The following ZNF717 variants were observed in gnomAD, a reference collection of about 807,000 sequenced individuals.
The protein encoded by ZNF717 is krueppel-like factor X17.
In ZNF717, 9 loss-of-function variants were observed where a neutral mutation model predicts 13.8. The ratio of observed to expected loss-of-function variants is 0.65; its 90% CI spans 0.39 to 1.14. The LOEUF (loss-of-function observed/expected upper bound fraction) is 1.14. Ranked by LOEUF, ZNF717 falls within the 50% of genes most tolerant of loss-of-function variation. The pLI is 0.01. For synonymous variants in ZNF717, 327 were observed against 364.1 expected, an observed-to-expected ratio of 0.90 and a Z score of 1.16; for missense variants, 1,040 against 1,080.7, an observed-to-expected ratio of 0.96 and a Z score of 0.53.
chr3:75,727,316 A>T (rs1448406503), downstream of ZNF717, among the ~76,000 whole-genome samples: 19 of 152,248 alleles, frequency 1.2e-4, no homozygotes, highest in Non-Finnish European at 1.5e-5. Flanking sequence ...GAAAAAGAAC[A>T]GAATAACAGC....
chr3:75,696,882 G>T (rs1937609410), intron 6 of ZNF717, among the ~76,000 whole-genome samples: 1 of 136,460 alleles, frequency 7.3e-6, no homozygotes, highest in African/African-American at 2.8e-5. Flanking sequence ...GACAGAGGGA[G>T]ACTTCATCTC....
chr3:75,723,750 G>C (rs1257851862), intron 4 of ZNF717, among the ~76,000 whole-genome samples: 2 of 152,174 alleles, frequency 1.3e-5, no homozygotes, highest in South Asian at 2.1e-4. Flanking sequence ...TTACTGAGCA[G>C]ACCTTGGTCT....
intron 2 of ZNF717, among the ~76,000 whole-genome samples, chr3:75,763,076 T>C (rs920062054): frequency 5.9e-5 from 9 of 152,198 alleles, no homozygotes; most frequent in African/African-American, 2.2e-4. Flanking sequence ...GAAACTAGAA[T>C]TATCAAACTC....
Position 75,779,083 on chromosome 3 carries a change from C to G in ZNF717, c.57+4223G>C, listed in dbSNP as rs148008845. On this transcript the variant is annotated intron_variant, in intron 2 of 4. Transcript: ENST00000652011. Reference sequence around the variant, plus strand: ...CGGAACCCAAAACAATGGGAGTGACCTGCTAAACTAGGAACCCAAAACAAT... The same window carrying G: ...CGGAACCCAAAACAATGGGAGTGACGTGCTAAACTAGGAACCCAAAACAAT... 1.4e-3 allele frequency among the ~76,000 whole-genome samples: 199 copies of G among 143,398 alleles called. 3 individuals carry two copies. In the East Asian group the frequency reaches 0.038, roughly 27 times the overall value. The allele number at this position is 143,398 out of a possible 152,430, so 94.1% of individuals were successfully genotyped here.
chr3:75,745,355 G>A (rs74915710), intron 2 of ZNF717, among the ~76,000 whole-genome samples: 2 of 151,966 alleles, frequency 1.3e-5, no homozygotes, highest in Non-Finnish European at 2.9e-5. Flanking sequence ...TGAAGGACAA[G>A]CATTCAGACC....
chr3:75,769,218 AGCT>A (rs935042153), intron 2 of ZNF717, among the ~76,000 whole-genome samples: 18 of 152,152 alleles, frequency 1.2e-4, no homozygotes, highest in African/African-American at 4.3e-4. Flanking sequence ...GAGGCCTTAC[AGCT>A]TCTGCCTGGG....
At position 75,737,000 on chromosome 3, in the gene ZNF717, A is replaced by G. The variant is rs1222086703; in HGVS notation, c.2623T>C (p.Cys875Arg). 1.0e-5 allele frequency: 16 copies of G among 1,591,218 alleles called. No individual in the cohort carries two copies. The Admixed American group carries it at 2.9e-4, about 29-fold the overall frequency. Residue 875 changes from cysteine to arginine, a missense_variant, in exon 5 of 5, where the codon TGT becomes CGT. Coordinates refer to ENST00000652011, the MANE Select transcript of ZNF717 (RefSeq NM_001290208.3). ...GACTTCTGGCAAAAGGTTTTCCCAC[A>G]TTCCTTACATTCATAAGGTTTTTCT... ...TGEKPYECKE[C>R]GKTFCQKSHL...
chr3:75,697,746 T>C (rs1263369968), intron 6 of ZNF717, among the ~76,000 whole-genome samples: 1 of 152,420 alleles, frequency 6.6e-6, no homozygotes, highest in East Asian at 1.9e-4. Context: ...AAAATTGTTA[T>C]AAGAATACCT....
Position 75,765,027 on chromosome 3 carries a change from A to ATG in ZNF717, c.57+18278_57+18279insCA, listed in dbSNP as rs1253265300. Among the ~76,000 whole-genome samples the ATG allele has an allele frequency of 8.6e-4, 36 of 42,060 alleles. 1 individual carries two copies. The highest frequency in any genetic ancestry group is 3.6e-3 in the African/African-American group (36 of 9,934). 27.6% of individuals were successfully genotyped at this position (42,060 alleles called of 152,430 possible). A position where few individuals can be genotyped will look rare whatever the true frequency, so the allele number is the denominator to read the frequency against. ...TATATATATATATATATATATATAT[A>ATG]TATGTATATGTGTGTGTGTGTGTGT... On this transcript the variant is annotated intron_variant, in intron 2 of 4. Coordinates refer to ENST00000652011, the MANE Select transcript of ZNF717 (RefSeq NM_001290208.3).
At chr3:75,749,586 A>C (rs1396756913) in intron 2 of ZNF717, among the ~76,000 whole-genome samples, 1 of 152,030 alleles carries the variant, frequency 6.6e-6, no homozygotes, top group Admixed American at 6.6e-5. Context: ...CAAGGGTCTG[A>C]ATATCTGTCC....
chr3:75,764,292 C>T (rs1470099408), intron 2 of ZNF717, among the ~76,000 whole-genome samples: 2 of 152,164 alleles, frequency 1.3e-5, no homozygotes, highest in African/African-American at 2.4e-5. Context: ...TGGTCAGTTC[C>T]GTATCTGTTT....
intron 6 of ZNF717, among the ~76,000 whole-genome samples, chr3:75,700,037 G>C (rs540954811): frequency 6.9e-3 from 1,016 of 147,134 alleles, no homozygotes; most frequent in South Asian, 0.027. Context: ...CAGATTGGAA[G>C]AATCAGTATT....
At chr3:75,756,974 G>A (rs550877414) in intron 2 of ZNF717, among the ~76,000 whole-genome samples, 5 of 152,364 alleles carry the variant, frequency 3.3e-5, no homozygotes, top group South Asian at 2.1e-4. Flanking sequence ...CACAGCGCCC[G>A]GCCTCTCTTC....
At chr3:75,760,024 T>C (rs923443879) in intron 2 of ZNF717, among the ~76,000 whole-genome samples, 4 of 152,156 alleles carry the variant, frequency 2.6e-5, no homozygotes, top group South Asian at 2.1e-4. Flanking sequence ...ATGTCTGAAA[T>C]TTTTTCTTTC....
Position 75,737,972 on chromosome 3 carries a change from T to G in ZNF717, c.1651A>C (p.Thr551Pro), listed in dbSNP as rs1939662667. ...CCTGTGTGAGTTCTGTGATGTACTGTAAGGTATGACTTGTGGCTATATGTT... is the reference window on the plus strand; with the variant it reads ...CCTGTGTGAGTTCTGTGATGTACTGGAAGGTATGACTTGTGGCTATATGTT... ...GKTYSHKSYLTVHHRTHTGEK... is the reference protein window; with the variant it reads ...GKTYSHKSYLPVHHRTHTGEK... Residue 551 changes from threonine (T) to proline (P), a missense_variant, in exon 5 of 5, where the codon ACA becomes CCA. This residue lies in a region of ZNF717 where 873 missense variants were observed against 832.8 expected (regional missense o/e 1.05). Coordinates refer to ENST00000652011, the MANE Select transcript of ZNF717 (RefSeq NM_001290208.3). The G allele has an allele frequency of 6.5e-7, 1 of 1,546,580 alleles. No homozygotes were observed. The highest frequency in any genetic ancestry group is 2.0e-5 in the Admixed American group (1 of 50,824).
intron 2 of ZNF717, among the ~76,000 whole-genome samples, chr3:75,762,267 T>C (rs1335999271): frequency 1.3e-4 from 20 of 151,842 alleles, no homozygotes; most frequent in African/African-American, 4.6e-4. Context: ...GGAGAAACCC[T>C]GTCTCTACTA....
At chr3:75,694,722 A>G (rs62250040) in intron 6 of ZNF717, among the ~76,000 whole-genome samples, 4,147 of 95,208 alleles carry the variant, frequency 0.044, no homozygotes, top group African/African-American at 0.071. Flanking sequence ...TATAGTTTTT[A>G]TTAGTTGTTT....
chr3:75,721,311 T>C (rs1462604422), intron 4 of ZNF717, among the ~76,000 whole-genome samples: 47 of 152,346 alleles, frequency 3.1e-4, no homozygotes, highest in African/African-American at 9.1e-4. Flanking sequence ...AGATGGAGTC[T>C]TGCTCTGTCA....
At chr3:75,701,406 C>G in intron 6 of ZNF717, among the ~76,000 whole-genome samples, 1 of 152,310 alleles carries the variant, frequency 6.6e-6, no homozygotes, top group Non-Finnish European at 1.5e-5. Context: ...TGTGGTGGCT[C>G]ACGCCTGTAA....
Sources: gnomAD v4.1 joint callset for allele counts (sites outside exome capture counted in the v4.1 genomes callset) on GRCh38, gnomAD v4.1.1 for gene constraint, gnomAD v4.1.1 regional missense constraint, MANE v1.5 for transcripts, NCBI Gene and HGNC (gene_info 2026-07-23, HGNC 2026-07-21) for gene names.